Variants in RAX observed in about 807,000 individuals in gnomAD.
RAX encodes retinal homeobox protein Rx.
RAX carries 11 observed loss-of-function variants against 17.4 expected under a neutral mutation model. The observed-to-expected ratio is 0.63, with a 90% CI of 0.40 to 1.05. The LOEUF (loss-of-function observed/expected upper bound fraction) is 1.05, where lower values mean the gene tolerates loss of function less well. Ranked by LOEUF, RAX falls within the 50% of genes least tolerant of loss-of-function variation. The probability of loss-of-function intolerance (pLI) is 0.00; values close to 1 mark genes in which losing one functional copy is unlikely to be tolerated. For synonymous variants in RAX, 276 were observed against 254.7 expected (o/e 1.08, Z -0.80); for missense variants, 527 against 501.1 (o/e 1.05, Z -0.49).
intron 2 of RAX, among the ~76,000 whole-genome samples, chr18:59,269,892 GAA>G (rs778348010): frequency 6.7e-6 from 1 of 150,214 alleles, no homozygotes; most frequent in African/African-American, 2.4e-5. Context: ...CAGAAGCTCA[GAA>G]AAAAAAAGTG....
rs1370270382 is a variant in RAX, at chr18:59,268,843, G to A, written c.*161C>T. 2 of 1,205,274 alleles carry A rather than the reference G, an allele frequency of 1.7e-6. No individual in the cohort carries two copies. The highest frequency in any genetic ancestry group is 2.6e-5 in the East Asian group (1 of 38,762). 74.7% of individuals were successfully genotyped at this position (1,205,274 alleles called of 1,614,324 possible). ...GCCTGAAAGTCGCCCTTCTCCCCGT[G>A]CATCGGGAGCAGGCGCGTGGCCCTG... On this transcript the variant is annotated 3_prime_UTR_variant, in exon 3 of 3. Coordinates refer to ENST00000334889, the MANE Select transcript of RAX (RefSeq NM_013435.3). The surrounding 1 kb of genome is among the most constrained non-coding windows in gnomAD (Gnocchi z 4.4).
chr18:59,268,286 C>A lies in RAX; in HGVS notation c.*718G>T, dbSNP rs972198016. 1 of 152,422 alleles carries A rather than the reference C, an allele frequency of 6.6e-6. No homozygotes were observed. The highest frequency in any genetic ancestry group is 2.4e-5 in the African/African-American group (1 of 41,452). The allele number at this position is 152,422 out of a possible 1,614,324, so 9.4% of individuals were successfully genotyped here. On this transcript the variant is annotated 3_prime_UTR_variant, in exon 3 of 3. Coordinates refer to ENST00000334889, the MANE Select transcript of RAX (RefSeq NM_013435.3). This position sits in a 1 kb window ranked among gnomAD's most constrained non-coding sequence, Gnocchi z 4.4. ...GAGCCTTAGCCCCATCCACTCCGGA[C>A]CCCAAGCGCGCACGCCGGCTCCAGG...
In RAX at chr18:59,272,994, G is replaced by A. The variant is rs1257377309; in HGVS notation, c.213C>T (p.Pro71=). 2 of 1,524,886 alleles carry A rather than the reference G, an allele frequency of 1.3e-6. No homozygotes were observed. The highest frequency in any genetic ancestry group is 2.0e-5 in the Admixed American group (1 of 50,446). 94.5% of individuals were successfully genotyped at this position (1,524,886 alleles called of 1,614,324 possible). A position where few individuals can be genotyped will look rare whatever the true frequency, so the allele number is the denominator to read the frequency against. Residue 71 remains proline (P), a synonymous_variant, in exon 1 of 3, where the codon CCC becomes CCT. Transcript: ENST00000334889. The part of the protein sequence containing the change: ...KERDRRLGAR[P]ACPKAPEEGS... ...CTTCCTCGGGCGCCTTGGGGCAGGC[G>A]GGCCGCGCGCCCAGCCTCCTATCCC...
In RAX at chr18:59,269,030, T is replaced by C. The variant is rs558964922; in HGVS notation, c.1015A>G (p.Ile339Val). 3 of 1,613,052 alleles carry C rather than the reference T, an allele frequency of 1.9e-6. No individual in the cohort carries two copies. The highest frequency in any genetic ancestry group is 2.2e-5 in the East Asian group (1 of 44,864). ...TAGAGGGCCTGCCACGGCTTCCCGA[T>C]GGCCTGGATGTGCTCCTTGGCTTTC... ...RLKAKEHIQA[I>V]GKPWQAL Residue 339 changes from isoleucine (I) to valine (V), a missense_variant, in exon 3 of 3, where the codon ATC becomes GTC. Transcript: ENST00000334889.
chr18:59,267,631 G>GGCCCCCCCCCCCC lies in RAX; in HGVS notation c.*1372_*1373insGGGGGGGGGGGGC. On this transcript the variant is annotated 3_prime_UTR_variant, in exon 3 of 3. Transcript: ENST00000334889. ...TAGGGACGGGGGTTGTGGGGTGGAC[G>GGCCCCCCCCCCCC]CCCCCCCCCCCCCCGTGCCAGGACC... 1.1e-5 allele frequency: 1 copy of GGCCCCCCCCCCCC among 88,736 alleles called. No individual in the cohort carries two copies. The highest frequency in any genetic ancestry group is 3.8e-4 in the East Asian group (1 of 2,640). 5.5% of individuals were successfully genotyped at this position (88,736 alleles called of 1,614,324 possible).
At chr18:59,272,694 G>A in intron 1 of RAX, 80 bp from the exon 2 acceptor site, 1 of 1,487,852 alleles carries the variant, frequency 6.7e-7, no homozygotes, top group Non-Finnish European at 8.9e-7. Context: ...GTGGGCACTG[G>A]CCAGCCCGCC....
At chr18:59,272,649 T>A (rs746012463) in intron 1 of RAX, 35 bp from the exon 2 acceptor site, 1 of 1,592,024 alleles carries the variant, frequency 6.3e-7, no homozygotes, top group South Asian at 1.1e-5. Flanking sequence ...TCAGATGCAC[T>A]CCCCAAAACA....
chr18:59,271,606 C>A (rs73444218), intron 2 of RAX, among the ~76,000 whole-genome samples: 3,676 of 152,306 alleles, frequency 0.024, 113 homozygotes, highest in African/African-American at 0.081. Context: ...TAGACACACA[C>A]AAAAATCCCA....
chr18:59,270,156 G>A (rs920011569), intron 2 of RAX, among the ~76,000 whole-genome samples: 1 of 152,054 alleles, frequency 6.6e-6, no homozygotes, highest in Non-Finnish European at 1.5e-5. Context: ...CTCTTTTCAC[G>A]GATTACTGGT....
At position 59,269,062 on chromosome 18, in the gene RAX, A is replaced by C; in HGVS notation, c.983T>G (p.Leu328Arg). 1 of 1,612,828 alleles carries C rather than the reference A, an allele frequency of 6.2e-7. No homozygotes were observed. The highest frequency in any genetic ancestry group is 8.5e-7 in the Non-Finnish European group (1 of 1,179,816). ...GATGTGCTCCTTGGCTTTCAGACGC[A>C]GCGCCGCGATGCTGCTGTTGCGCGG... ...ADPRNSSIAALRLKAKEHIQA... is the reference protein window; with the variant it reads ...ADPRNSSIAARRLKAKEHIQA... The change falls in exon 3 of 3, where the codon CTG (leucine) becomes CGG (arginine). Residue 328 changes from leucine (L) to arginine (R), a missense_variant. By Grantham distance (102) the Leu-to-Arg change is moderately radical. Coordinates refer to ENST00000334889, the MANE Select transcript of RAX (RefSeq NM_013435.3).
rs9947104 is a variant in RAX at position 59,267,126 on chromosome 18, A to G, written c.*1878T>C. On this transcript the variant is annotated 3_prime_UTR_variant, in exon 3 of 3. Coordinates refer to ENST00000334889, the MANE Select transcript of RAX (RefSeq NM_013435.3). Reference sequence around the variant, plus strand: ...CCCCCAAGGAGACATCCTTGTGAGGAAAAGTGCAGATATTACTCCCTACCT... The same window carrying G: ...CCCCCAAGGAGACATCCTTGTGAGGGAAAGTGCAGATATTACTCCCTACCT... 0.25 allele frequency: 37,722 copies of G among 152,176 alleles called. 5,003 individuals are homozygous for G. The highest frequency in any genetic ancestry group is 0.3 in the Non-Finnish European group (20,152 of 67,978). 9.4% of individuals were successfully genotyped at this position (152,176 alleles called of 1,614,324 possible). A position where few individuals can be genotyped will look rare whatever the true frequency, so the allele number is the denominator to read the frequency against.
chr18:59,269,620 G>T, intron 2 of RAX, 119 bp from the exon 3 acceptor site: 3 of 1,174,406 alleles, frequency 2.6e-6, no homozygotes, highest in South Asian at 2.9e-5. Flanking sequence ...AACTAGGGGC[G>T]CAACTGTTAT....
At chr18:59,271,922 G>A (rs2070340976) in intron 2 of RAX, among the ~76,000 whole-genome samples, 1 of 152,172 alleles carries the variant, frequency 6.6e-6, no homozygotes, top group African/African-American at 2.4e-5. Flanking sequence ...GAGGTGCCAG[G>A]CCCTTCGCAA....
At position 59,269,343 on chromosome 18, in the gene RAX, C is replaced by G; in HGVS notation, c.702G>C (p.Pro234=). Residue 234 remains proline, a synonymous_variant, in exon 3 of 3, where the codon CCG becomes CCC. Coordinates refer to ENST00000334889, the MANE Select transcript of RAX (RefSeq NM_013435.3). The part of the protein sequence containing the change: ...LGAGPGSGGG[P]AGGALPLESW... Reference sequence around the variant, plus strand: ...ACTCCAGCGGCAGCGCGCCCCCAGCCGGCCCGCCACCGCTGCCCGGGCCCG... The same window carrying G: ...ACTCCAGCGGCAGCGCGCCCCCAGCGGGCCCGCCACCGCTGCCCGGGCCCG... The G allele has an allele frequency of 7.5e-7, 1 of 1,341,738 alleles. No homozygotes were observed. The highest frequency in any genetic ancestry group is 9.5e-7 in the Non-Finnish European group (1 of 1,049,130). 83.1% of individuals were successfully genotyped at this position (1,341,738 alleles called of 1,614,324 possible).
chr18:59,268,220 A>G lies in RAX; in HGVS notation c.*784T>C, dbSNP rs2070298680. The G allele has an allele frequency of 6.6e-6, 1 of 152,140 alleles. No individual in the cohort carries two copies. 9.4% of individuals were successfully genotyped at this position (152,140 alleles called of 1,614,324 possible). A position where few individuals can be genotyped will look rare whatever the true frequency, so the allele number is the denominator to read the frequency against. On this transcript the variant is annotated 3_prime_UTR_variant, in exon 3 of 3. Coordinates refer to ENST00000334889, the MANE Select transcript of RAX (RefSeq NM_013435.3). This position sits in a 1 kb window ranked among gnomAD's most constrained non-coding sequence, Gnocchi z 4.4. ...ACTTGAAAATATCAGCTGCCGCTGG[A>G]CTATGGGGCTAGCGGGGGAACTGGG...
rs1334698528 is a variant in RAX, at chr18:59,267,520, G to C, written c.*1484C>G. On this transcript the variant is annotated 3_prime_UTR_variant, in exon 3 of 3. Transcript: ENST00000334889. ...TATTTAGACGAGGAAAGGGGACTGG[G>C]AGCTTCACTAATTTGCTCAGGACCG... The C allele has an allele frequency of 2.0e-5, 3 of 152,190 alleles. No homozygotes were observed. Among genetic ancestry groups the C allele is most frequent in the Non-Finnish European group, 2.9e-5 (2 of 68,056 alleles). 9.4% of individuals were successfully genotyped at this position (152,190 alleles called of 1,614,324 possible).
rs895785820 is a variant in RAX at position 59,273,093 on chromosome 18, G to A, written c.114C>T (p.Ile38=). Residue 38 remains isoleucine, a synonymous_variant, in exon 1 of 3, where the codon ATC becomes ATT. Transcript: ENST00000334889. ...TCCCGTCGTCCTTGGTAAACCCCAG[G>A]ATGGCCTCGATGCTGTGAAGTCGCG... ...STSRLHSIEA[I]LGFTKDDGIL... 6.5e-7 allele frequency: 1 copy of A among 1,535,146 alleles called. No homozygotes were observed. Among genetic ancestry groups the A allele is most frequent in the Non-Finnish European group, 8.7e-7 (1 of 1,146,384 alleles).
Position 59,272,344 on chromosome 18 carries a change from C to T in RAX, c.543+17G>A. ...CGGGCCCTCCCAGATCCCAGTTCCT[C>T]AACCTGGGCGCTTTACCTGGACCCG... On this transcript the variant is annotated intron_variant, in intron 2 of 2. Coordinates refer to ENST00000334889, the MANE Select transcript of RAX (RefSeq NM_013435.3). 2.5e-6 allele frequency: 4 copies of T among 1,614,218 alleles called. No homozygotes were observed. In the South Asian group the frequency reaches 4.4e-5, roughly 18 times the overall value.
rs2070354885 is a variant in RAX, at chr18:59,273,106, C to T, written c.101G>A (p.Ser34Asn). 2 of 1,535,078 alleles carry T rather than the reference C, an allele frequency of 1.3e-6. No individual in the cohort carries two copies. The highest frequency in any genetic ancestry group is 1.7e-6 in the Non-Finnish European group (2 of 1,146,346). ...GGTAAACCCCAGGATGGCCTCGATG[C>T]TGTGAAGTCGCGAGGTGCTCCCGCC... ...SPGGSTSRLH[S>N]IEAILGFTKD... The change falls in exon 1 of 3, where the codon AGC becomes AAC. Residue 34 changes from serine (S) to asparagine (N), a missense_variant. By Grantham distance (46) the Ser-to-Asn change is conservative. Transcript: ENST00000334889.
Sources: allele counts gnomAD v4.1 joint callset (sites outside exome capture counted in the v4.1 genomes callset), GRCh38; gene constraint gnomAD v4.1.1; non-coding constraint Gnocchi (gnomAD v3.1); transcripts MANE v1.5; gene names NCBI Gene and HGNC (gene_info 2026-07-23, HGNC 2026-07-21).